Variants in RABGAP1L observed in about 807,000 individuals in gnomAD.
RABGAP1L encodes RAB GTPase activating protein 1 like.
Under a neutral mutation model 137.7 loss-of-function variants are expected in RABGAP1L, and 63 were observed. The ratio of observed to expected loss-of-function variants is 0.46; its 90% CI spans 0.37 to 0.56. The LOEUF is 0.56. RABGAP1L is among the 20% of genes least tolerant of loss of function. The pLI is 0.00. For synonymous variants in RABGAP1L, 431 were observed against 433.7 expected, an observed-to-expected ratio of 0.99 and a Z score of 0.08; for missense variants, 1,095 against 1,244.0, an observed-to-expected ratio of 0.88 and a Z score of 1.80.
chr1:174,616,638 C>G (rs1557905967), intron 13 of RABGAP1L, among the ~76,000 whole-genome samples: 1 of 152,076 alleles, frequency 6.6e-6, no homozygotes, highest in African/African-American at 2.4e-5. Context: ...GACAAGACTT[C>G]CAAAATAATT....
At chr1:174,694,801 T>A (rs1032987305) in intron 15 of RABGAP1L, among the ~76,000 whole-genome samples, 7 of 151,440 alleles carry the variant, frequency 4.6e-5, no homozygotes, top group African/African-American at 1.5e-4. Flanking sequence ...GTTGAACTAG[T>A]TTACAGTCCC....
At chr1:174,720,282 T>TAGAC (rs1681401672) in intron 17 of RABGAP1L, among the ~76,000 whole-genome samples, 1 of 135,804 alleles carries the variant, frequency 7.4e-6, no homozygotes, top group African/African-American at 3.6e-5. Flanking sequence ...GATAGATAGA[T>TAGAC]AGATAGATAG....
chr1:174,869,453 G>A (rs999950400), intron 19 of RABGAP1L, among the ~76,000 whole-genome samples: 1 of 152,096 alleles, frequency 6.6e-6, no homozygotes, highest in Non-Finnish European at 1.5e-5. Context: ...TGTGAAGAAG[G>A]TCCTTGCTTC....
At chr1:174,276,020 T>G in intron 9 of RABGAP1L, 85 bp downstream of exon 9, 3 of 1,097,056 alleles carry the variant, frequency 2.7e-6, no homozygotes, top group Middle Eastern at 2.1e-4. Context: ...AAAAAAAATT[T>G]GGAACTCAAA....
chr1:174,635,732 G>T (rs900679920), intron 13 of RABGAP1L, among the ~76,000 whole-genome samples: 8 of 152,170 alleles, frequency 5.3e-5, no homozygotes, highest in Non-Finnish European at 7.4e-5. Context: ...TGTTTGCTAG[G>T]AAATTTGGAA....
intron 19 of RABGAP1L, among the ~76,000 whole-genome samples, chr1:174,853,472 C>T (rs1437389873): frequency 6.6e-6 from 1 of 152,140 alleles, no homozygotes; most frequent in Non-Finnish European, 1.5e-5. Flanking sequence ...TGGCTCACGC[C>T]TGTAATCCCA....
intron 13 of RABGAP1L, among the ~76,000 whole-genome samples, chr1:174,543,031 G>C (rs952185799): frequency 6.6e-5 from 10 of 152,170 alleles, no homozygotes; most frequent in African/African-American, 2.4e-4. Context: ...GTCAATTATG[G>C]AATAAGGGTG....
intron 12 of RABGAP1L, among the ~76,000 whole-genome samples, chr1:174,380,656 G>T (rs1383231645): frequency 6.6e-6 from 1 of 151,090 alleles, no homozygotes; most frequent in Non-Finnish European, 1.5e-5. Context: ...ATTTTTTATT[G>T]TGTCTATTTG....
At chr1:174,234,622 C>G (rs1415668548) in intron 4 of RABGAP1L, among the ~76,000 whole-genome samples, 1 of 151,576 alleles carries the variant, frequency 6.6e-6, no homozygotes, top group Admixed American at 6.6e-5. Flanking sequence ...TTCCATTGAT[C>G]TATATCTCTG....
chr1:174,613,453 T>G (rs1028754075), intron 13 of RABGAP1L, among the ~76,000 whole-genome samples: 3 of 152,190 alleles, frequency 2.0e-5, no homozygotes, highest in Non-Finnish European at 4.4e-5. Flanking sequence ...CTTTTACATT[T>G]GCTGAGGAGA....
At chr1:174,292,656 T>G (rs930193336) in intron 10 of RABGAP1L, among the ~76,000 whole-genome samples, 5 of 152,148 alleles carry the variant, frequency 3.3e-5, no homozygotes, top group African/African-American at 4.8e-5. Flanking sequence ...TCAGACTTAT[T>G]TTATGACTCA....
chr1:174,541,345 G>C (rs1395908404), intron 13 of RABGAP1L, among the ~76,000 whole-genome samples: 5 of 152,192 alleles, frequency 3.3e-5, no homozygotes, highest in Non-Finnish European at 2.9e-5. Flanking sequence ...GGAGTGGTGA[G>C]AGAGGGCATC....
chr1:174,868,174 G>A (rs1651610148), intron 19 of RABGAP1L, among the ~76,000 whole-genome samples: 2 of 151,548 alleles, frequency 1.3e-5, no homozygotes, highest in African/African-American at 2.4e-5. Context: ...GGCCAGGCTG[G>A]TCTCGAACTC....
In RABGAP1L at chr1:174,195,798, T is replaced by TTTCTTTCTATCCTTCTTTCTTTCTATCC. The variant is rs1667627661; in HGVS notation, c.-33-23319_-33-23318insATCCTTCTTTCTTTCTATCCTTCTTTCT. 4.7e-5 allele frequency among the ~76,000 whole-genome samples: 6 copies of TTTCTTTCTATCCTTCTTTCTTTCTATCC among 128,708 alleles called. No individual in the cohort carries two copies. The East Asian group carries it at 1.3e-3, about 28-fold the overall frequency. 84.4% of individuals were successfully genotyped at this position (128,708 alleles called of 152,430 possible). A position where few individuals can be genotyped will look rare whatever the true frequency, so the allele number is the denominator to read the frequency against. ...TTCCTTTCTTTCTTTTCTTTCTTTC[T>TTTCTTTCTATCCTTCTTTCTTTCTATCC]TTCTTTCTTTCTATCCTTCTTTCTT... On this transcript the variant is annotated intron_variant, in intron 1 of 25. Coordinates refer to ENST00000681986, the MANE Select transcript of RABGAP1L (RefSeq NM_001366446.1).
chr1:174,680,166 G>T lies in RABGAP1L; in HGVS notation c.1825-3356G>T, dbSNP rs75500789. Among the ~76,000 whole-genome samples the T allele has an allele frequency of 9.0e-3, 1,371 of 152,312 alleles. 24 individuals are homozygous for T. Among genetic ancestry groups the T allele is most frequent in the African/African-American group, 0.032 (1,322 of 41,560 alleles). ...GGGAAAACATATTTGTAATATGCAT[G>T]TCTGACAGTGGACTTGGCAATGGTC... On this transcript the variant is annotated intron_variant, in intron 14 of 25. Transcript: ENST00000681986.
At chr1:174,629,544 T>TC (rs1174967928) in intron 13 of RABGAP1L, among the ~76,000 whole-genome samples, 2 of 151,758 alleles carry the variant, frequency 1.3e-5, no homozygotes, top group Non-Finnish European at 2.9e-5. Flanking sequence ...TTTAATTAAT[T>TC]TTTTTTTTGA....
intron 17 of RABGAP1L, among the ~76,000 whole-genome samples, chr1:174,743,108 G>C (rs1485815523): frequency 3.3e-5 from 5 of 152,144 alleles, no homozygotes; most frequent in African/African-American, 1.2e-4. Context: ...CTTTAATTGG[G>C]GGCTGCAGCA....
At chr1:174,633,790 T>A (rs1292604981) in intron 13 of RABGAP1L, among the ~76,000 whole-genome samples, 1 of 140,496 alleles carries the variant, frequency 7.1e-6, no homozygotes, top group Non-Finnish European at 1.5e-5. Context: ...GGGAAAGGAT[T>A]CCCTATTTAA....
chr1:174,895,626 T>A lies in RABGAP1L; in HGVS notation c.2341-61831T>A, dbSNP rs530201700. Among the ~76,000 whole-genome samples the A allele has an allele frequency of 2.6e-5, 4 of 151,844 alleles. No homozygotes were observed. In the East Asian group the frequency reaches 7.8e-4, roughly 29 times the overall value. On this transcript the variant is annotated intron_variant, in intron 19 of 25. Coordinates refer to ENST00000681986, the MANE Select transcript of RABGAP1L (RefSeq NM_001366446.1). ...CCCCATGACGGGCCCCAGTATGTGA[T>A]GTTCCCCTTCCTGGGTCCAAGTGTT...
Sources: allele counts gnomAD v4.1 joint callset (sites outside exome capture counted in the v4.1 genomes callset), GRCh38; gene constraint gnomAD v4.1.1; transcripts MANE v1.5; gene names NCBI Gene and HGNC (gene_info 2026-07-23, HGNC 2026-07-21).